XXYLT1: variants seen among roughly 807,000 people sequenced by gnomAD.
XXYLT1 encodes the protein xyloside xylosyltransferase 1.
XXYLT1 carries 20 observed loss-of-function variants against 28.9 expected under a neutral mutation model. The ratio of observed to expected loss-of-function variants is 0.69; its 90% CI spans 0.49 to 1.00. The LOEUF is 1.00. XXYLT1 is among the 50% of genes least tolerant of loss of function. The pLI is 0.00. For missense variants in XXYLT1, 542 were observed against 560.1 expected (o/e 0.97, Z 0.33); for synonymous variants, 257 against 253.8 (o/e 1.01, Z -0.12).
In XXYLT1 at chr3:195,143,855, GATATATATAGATATAGAT is replaced by G. The variant is rs1560117225; in HGVS notation, c.785+12576_785+12593del. On this transcript the variant is annotated intron_variant, in intron 3 of 3. Transcript: ENST00000310380. Reference sequence around the variant, plus strand: ...AGATATAGATATAGATATATATATAGATATATATAGATATAGATATATATATATATATATTTATTTTTT... The same window carrying G: ...AGATATAGATATAGATATATATATAGATATATATATATATATTTATTTTTT... Among the ~76,000 whole-genome samples the G allele has an allele frequency of 1.2e-4, 9 of 75,544 alleles. 2 individuals carry two copies. Among genetic ancestry groups the G allele is most frequent in the African/African-American group, 4.4e-4 (9 of 20,682 alleles). 49.6% of individuals were successfully genotyped at this position (75,544 alleles called of 152,430 possible).
rs561122381 is a variant in XXYLT1 at position 195,262,403 on chromosome 3, T to C, written c.504+8152A>G. 1.3e-5 allele frequency among the ~76,000 whole-genome samples: 2 copies of C among 152,354 alleles called. 1 individual carries two copies. Among genetic ancestry groups the C allele is most frequent in the South Asian group, 4.1e-4 (2 of 4,830 alleles). On this transcript the variant is annotated intron_variant, in intron 1 of 3. Transcript: ENST00000310380. ...ACAAGTGTTCTAGAATCAGTGGTCA[T>C]AGCTGTACAACCTTGGGAATACACT... is the stretch of plus-strand genomic sequence containing the variant.
chr3:195,207,174 C>T (rs774149862), intron 2 of XXYLT1, among the ~76,000 whole-genome samples: 32 of 152,158 alleles, frequency 2.1e-4, no homozygotes, highest in Non-Finnish European at 4.3e-4. Context: ...GTCTGAGGAG[C>T]GCCTGGGGCA....
rs532996745 is a variant in XXYLT1, at chr3:195,256,409, G to A, written c.504+14146C>T. On this transcript the variant is annotated intron_variant, in intron 1 of 3. Transcript: ENST00000310380. The surrounding 1 kb of genome is among the most constrained non-coding windows in gnomAD (Gnocchi z 4.2). ...TCCAAGTCCCTCGCCCTCATGCTCCGCGCAGGCCTGAGGTGCGGCCCTGCA... is the reference window on the plus strand; with the variant it reads ...TCCAAGTCCCTCGCCCTCATGCTCCACGCAGGCCTGAGGTGCGGCCCTGCA... 10 of 857,520 alleles carry A rather than the reference G, an allele frequency of 1.2e-5. No individual in the cohort carries two copies. Among genetic ancestry groups the A allele is most frequent in the East Asian group, 1.2e-4 (1 of 8,240 alleles). 53.1% of individuals were successfully genotyped at this position (857,520 alleles called of 1,614,324 possible). A position where few individuals can be genotyped will look rare whatever the true frequency, so the allele number is the denominator to read the frequency against.
At chr3:195,136,236 G>C (rs1387800375) in intron 3 of XXYLT1, among the ~76,000 whole-genome samples, 3 of 152,132 alleles carry the variant, frequency 2.0e-5, no homozygotes, top group Non-Finnish European at 4.4e-5. Context: ...CTCGGACAGC[G>C]CTCAAACGCC....
In XXYLT1 at chr3:195,078,659, C is replaced by T. The variant is rs1715258066; in HGVS notation, c.786-8548G>A. ...CACTTGGATCTGGACAGAATGACAC[C>T]CAGACAGTACCTCAGTACCCCTCCA... On this transcript the variant is annotated intron_variant, in intron 3 of 3. Transcript: ENST00000310380. The surrounding 1 kb of genome is among the most constrained non-coding windows in gnomAD (Gnocchi z 5.0). Among the ~76,000 whole-genome samples, 1 of 152,096 alleles carries T rather than the reference C, an allele frequency of 6.6e-6. No individual in the cohort carries two copies. Among genetic ancestry groups the T allele is most frequent in the Non-Finnish European group, 1.5e-5 (1 of 68,010 alleles).
chr3:195,070,767 G>A (rs1714757399), intron 3 of XXYLT1, among the ~76,000 whole-genome samples: 1 of 152,228 alleles, frequency 6.6e-6, no homozygotes, highest in African/African-American at 2.4e-5. Flanking sequence ...ACTTCAGAAA[G>A]GCTGGGCAGG....
At chr3:195,243,216 G>T (rs184658845) in intron 1 of XXYLT1, among the ~76,000 whole-genome samples, 2 of 151,846 alleles carry the variant, frequency 1.3e-5, no homozygotes, top group African/African-American at 2.4e-5. Flanking sequence ...GTCGTGGGGT[G>T]GGGGGAAGGG....
intron 2 of XXYLT1, among the ~76,000 whole-genome samples, chr3:195,193,826 A>T (rs983695023): frequency 6.6e-6 from 1 of 152,242 alleles, no homozygotes; most frequent in African/African-American, 2.4e-5. Context: ...ACAGTCAATT[A>T]GATATACAAA....
intron 1 of XXYLT1, among the ~76,000 whole-genome samples, chr3:195,244,679 G>A (rs575802461): frequency 1.1e-4 from 15 of 141,752 alleles, no homozygotes; most frequent in East Asian, 6.5e-4. Context: ...GGAAAATGGC[G>A]TGAACCCAGG....
chr3:195,097,273 T>C (rs1716500648), intron 3 of XXYLT1, among the ~76,000 whole-genome samples: 1 of 152,242 alleles, frequency 6.6e-6, no homozygotes, highest in Non-Finnish European at 1.5e-5. Flanking sequence ...AGAGATATAC[T>C]GTAGCTGACA....
intron 3 of XXYLT1, among the ~76,000 whole-genome samples, chr3:195,075,268 G>A (rs1204280756): frequency 2.0e-5 from 3 of 152,110 alleles, no homozygotes. Context: ...AAAAGAATAA[G>A]TGTTCCTAAC....
rs1002872223 is a variant in XXYLT1 at position 195,176,498 on chromosome 3, G to A, written c.653-19917C>T. Among the ~76,000 whole-genome samples the A allele has an allele frequency of 1.3e-5, 2 of 152,138 alleles. No homozygotes were observed. Among genetic ancestry groups the A allele is most frequent in the Non-Finnish European group, 2.9e-5 (2 of 68,034 alleles). ...AGCAGATCTTGAATATTCTGTCTTC[G>A]GTTTCAAACACAACAATCTTGCTTG... On this transcript the variant is annotated intron_variant, in intron 2 of 3. Coordinates refer to ENST00000310380, the MANE Select transcript of XXYLT1 (RefSeq NM_152531.5). The surrounding 1 kb of genome is among the most constrained non-coding windows in gnomAD (Gnocchi z 4.9).
At chr3:195,205,390 G>A (rs1231669202) in intron 2 of XXYLT1, among the ~76,000 whole-genome samples, 1 of 152,106 alleles carries the variant, frequency 6.6e-6, no homozygotes, top group Non-Finnish European at 1.5e-5. Context: ...ATTATGTTGA[G>A]AAAAAAGGCC....
intron 3 of XXYLT1, among the ~76,000 whole-genome samples, chr3:195,108,733 A>T (rs984999059): frequency 6.6e-6 from 1 of 152,232 alleles, no homozygotes; most frequent in Non-Finnish European, 1.5e-5. Context: ...ATCTAAACAT[A>T]TCCAAACATA....
chr3:195,152,637 AG>A (rs896107938), intron 3 of XXYLT1: 3 of 152,352 alleles, frequency 2.0e-5, no homozygotes, highest in Admixed American at 6.5e-5. Context: ...TCAAATGGAC[AG>A]TGGGGAATAA....
Position 195,173,674 on chromosome 3 carries a change from TA to T in XXYLT1, c.653-17094del, listed in dbSNP as rs1202147943. ...ACCACAGTAGTCCACTGACTCGGGG[TA>T]AAGTACGGGCTCAGGGGAATCCTAC... On this transcript the variant is annotated intron_variant, in intron 2 of 3. Coordinates refer to ENST00000310380, the MANE Select transcript of XXYLT1 (RefSeq NM_152531.5). The surrounding 1 kb of genome is among the most constrained non-coding windows in gnomAD (Gnocchi z 4.3). 6.6e-6 allele frequency among the ~76,000 whole-genome samples: 1 copy of T among 152,144 alleles called. No homozygotes were observed. Among genetic ancestry groups the T allele is most frequent in the Non-Finnish European group, 1.5e-5 (1 of 68,022 alleles).
At chr3:195,177,936 T>TAAAAAAAAAAAAAAAA (rs56022005) in intron 2 of XXYLT1, among the ~76,000 whole-genome samples, 1 of 115,652 alleles carries the variant, frequency 8.6e-6, no homozygotes, top group Non-Finnish European at 1.8e-5. Context: ...CTCTGTCTCT[T>TAAAAAAAAAAAAAAAA]AAAAAAAAAA....
At chr3:195,182,926 C>A (rs1722022177) in intron 2 of XXYLT1, among the ~76,000 whole-genome samples, 1 of 152,142 alleles carries the variant, frequency 6.6e-6, no homozygotes, top group African/African-American at 2.4e-5. Context: ...TAGAAGAATT[C>A]CTAAATCTAT....
In XXYLT1 at chr3:195,271,052, G is replaced by A. The variant is rs1335489676; in HGVS notation, c.7C>T (p.Leu3Phe). ...GCGCATGGGAGCCCGCCTCGGAGGA[G>A]GCCCATGCGCTACGAGACCGCGGCG... is the stretch of plus-strand genomic sequence containing the variant. The part of the protein sequence containing the change: MG[L>F]LRGGLPCARA... The change falls in exon 1 of 4, where the codon CTC becomes TTC. Residue 3 changes from leucine (L) to phenylalanine (F), a missense_variant. Transcript: ENST00000310380. The A allele has an allele frequency of 2.8e-6, 4 of 1,410,536 alleles. No individual in the cohort carries two copies. The highest frequency in any genetic ancestry group is 1.5e-5 in the African/African-American group (1 of 66,348). The allele number at this position is 1,410,536 out of a possible 1,614,324, so 87.4% of individuals were successfully genotyped here. A position where few individuals can be genotyped will look rare whatever the true frequency, so the allele number is the denominator to read the frequency against.
Sources: allele counts gnomAD v4.1 joint callset (sites outside exome capture counted in the v4.1 genomes callset), GRCh38; gene constraint gnomAD v4.1.1; non-coding constraint Gnocchi (gnomAD v3.1); transcripts MANE v1.5; gene names NCBI Gene and HGNC (gene_info 2026-07-23, HGNC 2026-07-21).